HMGCLL1: variants seen among roughly 807,000 people sequenced by gnomAD.
The protein encoded by HMGCLL1 is 3-hydroxymethyl-3-methylglutaryl-CoA lyase, cytoplasmic.
In HMGCLL1, 36 loss-of-function variants were observed where a neutral mutation model predicts 39.1. That is an observed-to-expected ratio of 0.92 (90% CI 0.71 to 1.22). HMGCLL1 has a LOEUF of 1.22. Among genes scored for constraint, HMGCLL1 ranks in the 50% most tolerant of loss-of-function variants. The pLI is 0.00. For synonymous variants in HMGCLL1, 149 were observed against 144.0 expected (o/e 1.03, Z -0.25); for missense variants, 451 against 416.5 (o/e 1.08, Z -0.72).
intron 1 of HMGCLL1, among the ~76,000 whole-genome samples, chr6:55,566,192 G>A (rs1010561749): frequency 6.6e-6 from 1 of 152,084 alleles, no homozygotes; most frequent in Admixed American, 6.6e-5. Context: ...GAAAGTGGTG[G>A]CAGAGAGCCA....
intron 7 of HMGCLL1, among the ~76,000 whole-genome samples, chr6:55,445,657 CAT>C (rs34224560): frequency 0.3 from 45,742 of 151,788 alleles, 7,243 homozygotes; most frequent in African/African-American, 0.42. Context: ...GGTGTGCATG[CAT>C]GTGTGTGTGT....
At chr6:55,618,821 G>T in the HMGCLL1 span, among the ~76,000 whole-genome samples, 1 of 152,080 alleles carries the variant, frequency 6.6e-6, no homozygotes. Flanking sequence ...AGAACCAAAA[G>T]CTAAACACCT....
chr6:55,593,077 A>G, the HMGCLL1 span, among the ~76,000 whole-genome samples: 2 of 152,110 alleles, frequency 1.3e-5, no homozygotes, highest in African/African-American at 2.4e-5. Flanking sequence ...ACCTCCCAAG[A>G]TAAGTAAGTT....
the HMGCLL1 span, among the ~76,000 whole-genome samples, chr6:55,665,244 T>C: frequency 1.3e-4 from 20 of 151,826 alleles, no homozygotes; most frequent in East Asian, 3.3e-3. Flanking sequence ...TTGTTGTTAT[T>C]GGTTTGATTT....
intron 7 of HMGCLL1, among the ~76,000 whole-genome samples, chr6:55,472,255 C>A (rs1011683825): frequency 6.6e-6 from 1 of 151,582 alleles, no homozygotes; most frequent in African/African-American, 2.4e-5. Flanking sequence ...TGTGAGAGTA[C>A]CATTCGTTCC....
chr6:55,592,790 C>T, the HMGCLL1 span, among the ~76,000 whole-genome samples: 2 of 151,970 alleles, frequency 1.3e-5, no homozygotes, highest in African/African-American at 2.4e-5. Context: ...TGAGAAGGGT[C>T]CTATGATTCC....
the HMGCLL1 span, among the ~76,000 whole-genome samples, chr6:55,637,287 A>G: frequency 1.3e-5 from 2 of 152,144 alleles, no homozygotes; most frequent in Non-Finnish European, 1.5e-5. Context: ...GGGTTTGTAA[A>G]GTGGTGATAA....
chr6:55,582,936 A>G (rs568341256), upstream of HMGCLL1, among the ~76,000 whole-genome samples: 83 of 152,216 alleles, frequency 5.5e-4, no homozygotes, highest in African/African-American at 1.9e-3. Context: ...TTTCTAAAGT[A>G]TAGCATGTTA....
intron 3 of HMGCLL1, among the ~76,000 whole-genome samples, chr6:55,540,015 AGG>A (rs1769312842): frequency 8.6e-5 from 1 of 11,682 alleles, no homozygotes; most frequent in Non-Finnish European, 2.2e-4. Flanking sequence ...GGAGGGAGGG[AGG>A]GAGGGAGGGA....
intron 5 of HMGCLL1, among the ~76,000 whole-genome samples, chr6:55,506,173 C>T (rs1210021976): frequency 6.6e-6 from 1 of 151,692 alleles, no homozygotes; most frequent in Non-Finnish European, 1.5e-5. Context: ...CAAGCTCAGA[C>T]CCGGGAAGCC....
Position 55,477,326 on chromosome 6 carries a change from A to AT in HMGCLL1, c.795+18092dup, listed in dbSNP as rs1176363090. On this transcript the variant is annotated intron_variant, in intron 7 of 8. Coordinates refer to ENST00000274901, the MANE Select transcript of HMGCLL1 (RefSeq NM_001042406.2). ...ATATTATATATATAATATATATTAT[A>AT]TTATATAATATATATTATATTTAGA... 4.3e-3 allele frequency among the ~76,000 whole-genome samples: 69 copies of AT among 16,056 alleles called. 2 individuals carry two copies. The highest frequency in any genetic ancestry group is 8.9e-3 in the South Asian group (5 of 564). 10.5% of individuals were successfully genotyped at this position (16,056 alleles called of 152,430 possible). A position where few individuals can be genotyped will look rare whatever the true frequency, so the allele number is the denominator to read the frequency against.
chr6:55,564,147 T>G (rs981889949), intron 1 of HMGCLL1, among the ~76,000 whole-genome samples: 9 of 152,138 alleles, frequency 5.9e-5, no homozygotes, highest in African/African-American at 2.2e-4. Context: ...ATACTGAAGC[T>G]CTTATCTTAT....
chr6:55,543,547 CATATATATTT>C, intron 1 of HMGCLL1, among the ~76,000 whole-genome samples: 1 of 113,604 alleles, frequency 8.8e-6, no homozygotes, highest in South Asian at 2.6e-4. Context: ...TATATATTTA[CATATATATTT>C]ATATATTTTT....
chr6:55,506,787 G>T (rs1348364371), intron 5 of HMGCLL1, among the ~76,000 whole-genome samples: 3 of 151,484 alleles, frequency 2.0e-5, no homozygotes, highest in African/African-American at 7.3e-5. Flanking sequence ...ACACCAAAAA[G>T]AATCTGCAAA....
intron 7 of HMGCLL1, among the ~76,000 whole-genome samples, chr6:55,455,551 A>G (rs1447148911): frequency 6.6e-6 from 1 of 152,184 alleles, no homozygotes. Context: ...GGTTGAGGCA[A>G]TTGTGGATAT....
chr6:55,618,635 A>G, the HMGCLL1 span, among the ~76,000 whole-genome samples: 1 of 152,084 alleles, frequency 6.6e-6, no homozygotes, highest in Non-Finnish European at 1.5e-5. Flanking sequence ...CAAAGACAAT[A>G]TCTTAAGAGC....
the HMGCLL1 span, among the ~76,000 whole-genome samples, chr6:55,604,494 G>A: frequency 7.2e-5 from 11 of 151,762 alleles, no homozygotes; most frequent in Non-Finnish European, 1.2e-4. Context: ...CATTTTAAAC[G>A]CTGCATTTAT....
At chr6:55,532,804 CATAATAATAATAATAATA>C (rs201080387) in intron 3 of HMGCLL1, among the ~76,000 whole-genome samples, 34 of 71,546 alleles carry the variant, frequency 4.8e-4, no homozygotes, top group East Asian at 2.7e-3. Context: ...CTGTCTCAAA[CATAATAATAATAATAATA>C]ATAATAATAA....
chr6:55,558,950 A>T (rs538783970), intron 1 of HMGCLL1, among the ~76,000 whole-genome samples: 10 of 152,162 alleles, frequency 6.6e-5, no homozygotes, highest in African/African-American at 2.2e-4. Context: ...TCTAAATCTG[A>T]TTTCCACCCC....
Sources: allele counts gnomAD v4.1 joint callset (sites outside exome capture counted in the v4.1 genomes callset), GRCh38; gene constraint gnomAD v4.1.1; transcripts MANE v1.5; gene names NCBI Gene and HGNC (gene_info 2026-07-23, HGNC 2026-07-21).